RGN: variants seen among roughly 807,000 people sequenced by gnomAD.
RGN encodes epididymis secretory protein Li 41.
In RGN, 19 loss-of-function variants were observed where a neutral mutation model predicts 20.6. The ratio of observed to expected loss-of-function variants is 0.92; its 90% CI spans 0.64 to 1.35. The LOEUF is 1.35. RGN is among the 40% of genes most tolerant of loss of function. RGN has a pLI of 0.00. For missense variants in RGN, 302 were observed against 232.7 expected (o/e 1.30, Z -1.94); for synonymous variants, 85 against 87.2 (o/e 0.97, Z 0.14).
At chrX:47,079,618 A>G (rs1406963784) in intron 1 of RGN, among the ~76,000 whole-genome samples, 1 of 107,606 alleles carries the variant, frequency 9.3e-6, no homozygotes, top group Admixed American at 1.0e-4. Context: ...TTTTTAGTAG[A>G]GATGGGGTTT....
rs782640740 is a variant in RGN, at chrX:47,081,325, A to G, written c.163+18A>G. 1.7e-6 allele frequency: 2 copies of G among 1,202,164 alleles called. No homozygotes were observed. Among genetic ancestry groups the G allele is most frequent in the Non-Finnish European group, 2.3e-6 (2 of 888,539 alleles). Reference sequence around the variant, plus strand: ...GACCATGGGTAAGGATGAAGGCTGGACTCAGATCAGCCAGCTACCTTTTCC... The same window carrying G: ...GACCATGGGTAAGGATGAAGGCTGGGCTCAGATCAGCCAGCTACCTTTTCC... On this transcript the variant is annotated intron_variant, in intron 3 of 7. Coordinates refer to ENST00000397180, the MANE Select transcript of RGN (RefSeq NM_152869.4).
At chrX:47,092,255 C>A (rs1556388286) in intron 7 of RGN, 40 bp downstream of exon 7, 1 of 1,100,202 alleles carries the variant, frequency 9.1e-7, no homozygotes, top group South Asian at 2.1e-5. Flanking sequence ...GTGGGGGATC[C>A]CAAATACTTA....
chrX:47,089,555 T>G (rs1451495855), intron 4 of RGN, among the ~76,000 whole-genome samples: 1 of 78,419 alleles, frequency 1.3e-5, no homozygotes, highest in African/African-American at 5.0e-5. Flanking sequence ...TTATATACAC[T>G]TATATATACA....
chrX:47,092,359 AT>A, intron 7 of RGN, 144 bp downstream of exon 7: 2 of 507,272 alleles, frequency 3.9e-6, no homozygotes, highest in Non-Finnish European at 3.1e-6. Flanking sequence ...ACTGAAAAAC[AT>A]TTTATTTCAA....
rs1556383250 is a variant in RGN, at chrX:47,084,534, G to A, written c.280G>A (p.Asp94Asn). 1 of 1,203,433 alleles carries A rather than the reference G, an allele frequency of 8.3e-7. No individual in the cohort carries two copies. The highest frequency in any genetic ancestry group is 1.1e-6 in the Non-Finnish European group (1 of 890,745). ...ATCAGCAGTTGTCTTGGCCACGGTG[G>A]ATAACGACAAGAAAAACAATCGCTT... is the stretch of plus-strand genomic sequence containing the variant. ...EQSAVVLATV[D>N]NDKKNNRFND... Residue 94 changes from aspartate to asparagine, a missense_variant, in exon 4 of 8, where the codon GAT becomes AAT. Physicochemically the swap from Asp to Asn is conservative, Grantham distance 23 (BLOSUM62 1). Transcript: ENST00000397180.
At chrX:47,091,630 CTGT>C in intron 5 of RGN, 45 bp from the exon 6 acceptor site, 1 of 1,175,284 alleles carries the variant, frequency 8.5e-7, no homozygotes, top group Non-Finnish European at 1.1e-6. Flanking sequence ...ATTTAGTGGC[CTGT>C]TGTTTTGTTG....
At chrX:47,080,009 G>C (rs976885691) in intron 1 of RGN, among the ~76,000 whole-genome samples, 2 of 110,953 alleles carry the variant, frequency 1.8e-5, no homozygotes, top group Admixed American at 9.6e-5. Context: ...TCAGGCTCCC[G>C]AGTAGCTAGG....
intron 4 of RGN, among the ~76,000 whole-genome samples, chrX:47,089,530 T>TTATATATA (rs1569540550): frequency 0.25 from 13,029 of 52,302 alleles, 4,072 homozygotes; most frequent in Non-Finnish European, 0.31. Flanking sequence ...TTATATATAC[T>TTATATATA]CATATATATA....
chrX:47,089,847 G>T lies in RGN; in HGVS notation c.418G>T (p.Asp140Tyr). 1.7e-6 allele frequency: 2 copies of T among 1,209,018 alleles called. No individual in the cohort carries two copies. Among genetic ancestry groups the T allele is most frequent in the Non-Finnish European group, 2.2e-6 (2 of 894,644 alleles). ...HQGALYSLFP[D>Y]HHVKKYFDQV... ...GGGGGCCCTGTACTCCCTCTTTCCT[G>T]ATCACCACGTGAAAAAGTACTTTGA... is the stretch of plus-strand genomic sequence containing the variant. Residue 140 changes from aspartate (D) to tyrosine (Y), a missense_variant, in exon 5 of 8, where the codon GAT (aspartate) becomes TAT (tyrosine). Physicochemically the swap from Asp to Tyr is radical, Grantham distance 160. Transcript: ENST00000397180.
chrX:47,079,523 C>T (rs782061452), intron 1 of RGN, among the ~76,000 whole-genome samples: 1 of 107,814 alleles, frequency 9.3e-6, no homozygotes, highest in African/African-American at 3.4e-5. Flanking sequence ...CTCTGCCTCC[C>T]GGGTTCAAAC....
In RGN at chrX:47,081,107, C is replaced by T. The variant is rs901844488; in HGVS notation, c.-15-23C>T. 4 of 1,143,875 alleles carry T rather than the reference C, an allele frequency of 3.5e-6. No homozygotes were observed. In the Admixed American group the frequency reaches 8.8e-5, roughly 25 times the overall value. 94.3% of individuals were successfully genotyped at this position (1,143,875 alleles called of 1,213,427 possible). A position where few individuals can be genotyped will look rare whatever the true frequency, so the allele number is the denominator to read the frequency against. Reference sequence around the variant, plus strand: ...ATTTGTTCTGTGCGATGACCTTTCACTCACCTCTGTTACCTTCAATAGATC... The same window carrying T: ...ATTTGTTCTGTGCGATGACCTTTCATTCACCTCTGTTACCTTCAATAGATC... On this transcript the variant is annotated intron_variant, in intron 2 of 7. Transcript: ENST00000397180.
intron 4 of RGN, among the ~76,000 whole-genome samples, 142 bp from the exon 5 acceptor site, chrX:47,089,618 CACACACACACACACAT>C (rs1246106191): frequency 1.2e-4 from 6 of 48,316 alleles, no homozygotes; most frequent in Non-Finnish European, 1.6e-4. Flanking sequence ...CACACACACA[CACACACACACACACAT>C]ATATATATAT....
At chrX:47,079,374 T>G (rs34055415) in intron 1 of RGN, among the ~76,000 whole-genome samples, 9,272 of 101,325 alleles carry the variant, frequency 0.092, 415 homozygotes, top group South Asian at 0.32. Flanking sequence ...TTTTGTTTTG[T>G]TTTGGTTTGG....
intron 5 of RGN, among the ~76,000 whole-genome samples, chrX:47,090,930 A>AAG (rs1556387441): frequency 2.4e-5 from 1 of 41,499 alleles, no homozygotes; most frequent in Non-Finnish European, 5.3e-5. Context: ...GAAAGAAAGA[A>AAG]AGAAAGAAAG....
In RGN at chrX:47,084,477, A is replaced by G. The variant is rs1243892676; in HGVS notation, c.223A>G (p.Thr75Ala). Residue 75 changes from threonine (T) to alanine (A), a missense_variant, in exon 4 of 8, where the codon ACA (threonine) becomes GCA (alanine). Thr to Ala is a moderately conservative substitution (Grantham distance 58, BLOSUM62 0). Coordinates refer to ENST00000397180, the MANE Select transcript of RGN (RefSeq NM_152869.4). ...QSGGYVATIG[T>A]KFCALNWKEQ... ...GGGAGGCTATGTTGCCACCATTGGA[A>G]CAAAGTTCTGTGCTTTGAACTGGAA... 1 of 1,204,936 alleles carries G rather than the reference A, an allele frequency of 8.3e-7. No homozygotes were observed. The highest frequency in any genetic ancestry group is 1.7e-5 in the African/African-American group (1 of 57,253).
rs376331031 is a variant in RGN, at chrX:47,084,530, G to A, written c.276G>A (p.Thr92=). ...WKEQSAVVLA[T]VDNDKKNNRF... ...AACAATCAGCAGTTGTCTTGGCCAC[G>A]GTGGATAACGACAAGAAAAACAATC... Residue 92 remains threonine, a synonymous_variant, in exon 4 of 8, where the codon ACG becomes ACA. Coordinates refer to ENST00000397180, the MANE Select transcript of RGN (RefSeq NM_152869.4). The A allele has an allele frequency of 7.5e-5, 90 of 1,201,791 alleles. No homozygotes were observed. In the South Asian group the frequency reaches 9.8e-4, roughly 13 times the overall value.
In RGN at chrX:47,091,787, G is replaced by A. The variant is rs1556387984; in HGVS notation, c.672G>A (p.Val224=). ...LWVACYNGGR[V]IRLDPVTGKR... ...TGGCCTGTTACAATGGAGGAAGAGT[G>A]ATTCGTTTAGATCCTGTGACAGGTA... Residue 224 remains valine, a synonymous_variant, in exon 6 of 8, where the codon GTG becomes GTA. Transcript: ENST00000397180. The A allele has an allele frequency of 1.2e-5, 15 of 1,210,139 alleles. No homozygotes were observed. Among genetic ancestry groups the A allele is most frequent in the Non-Finnish European group, 1.7e-5 (15 of 894,951 alleles).
intron 3 of RGN, 105 bp from the exon 4 acceptor site, chrX:47,084,313 C>T (rs781819501): frequency 4.2e-5 from 28 of 661,746 alleles, no homozygotes; most frequent in Non-Finnish European, 5.7e-5. Flanking sequence ...CCCATTGTCA[C>T]GAGAGCTGGG....
chrX:47,092,024 T>C (rs1556388108), intron 6 of RGN, 37 bp from the exon 7 acceptor site: 2 of 1,170,017 alleles, frequency 1.7e-6, no homozygotes, highest in Non-Finnish European at 2.3e-6. Flanking sequence ...TGGAAATTGC[T>C]ACAACTAAAC....
Sources: gnomAD v4.1 joint callset for allele counts (sites outside exome capture counted in the v4.1 genomes callset) on GRCh38, gnomAD v4.1.1 for gene constraint, MANE v1.5 for transcripts, NCBI Gene and HGNC (gene_info 2026-07-23, HGNC 2026-07-21) for gene names.